PRKACA: variants seen among roughly 807,000 people sequenced by gnomAD.
PRKACA encodes cAMP-dependent protein kinase catalytic subunit alpha.
A neutral mutation model predicts 45.8 loss-of-function variants in PRKACA; 9 were observed. That is an observed-to-expected ratio of 0.20 (90% CI 0.12 to 0.34). The LOEUF is 0.34. PRKACA is among the 10% of genes least tolerant of loss of function. The pLI is 1.00. For missense variants in PRKACA, 238 were observed against 458.6 expected, an observed-to-expected ratio of 0.52 and a Z score of 4.39; for synonymous variants, 160 against 178.6, an observed-to-expected ratio of 0.90 and a Z score of 0.83.
At position 14,092,920 on chromosome 19, in the gene PRKACA, G is replaced by A. The variant is rs1977125321; in HGVS notation, c.*192C>T. 10 of 653,856 alleles carry A rather than the reference G, an allele frequency of 1.5e-5. No individual in the cohort carries two copies. The highest frequency in any genetic ancestry group is 1.2e-4 in the South Asian group (5 of 40,358). 40.5% of individuals were successfully genotyped at this position (653,856 alleles called of 1,614,324 possible). A position where few individuals can be genotyped will look rare whatever the true frequency, so the allele number is the denominator to read the frequency against. ...GGCAGGAGGGTGAAGGGGATGAGGG[G>A]GAGCAGCTGGTGTTTCTGTCCCTCT... On this transcript the variant is annotated 3_prime_UTR_variant, in exon 10 of 10. Transcript: ENST00000308677.
intron 1 of PRKACA, chr19:14,108,439 CCT>C (rs1977677593): frequency 6.6e-6 from 1 of 152,150 alleles, no homozygotes; most frequent in African/African-American, 2.4e-5. Flanking sequence ...ACGGAGTCTC[CCT>C]CTGTCGCCCA....
intron 1 of PRKACA, among the ~76,000 whole-genome samples, chr19:14,117,165 G>A (rs1209081918): frequency 6.6e-6 from 1 of 151,540 alleles, no homozygotes; most frequent in African/African-American, 2.4e-5. Flanking sequence ...GAGGAAGTGG[G>A]GGGATTAGAA....
intron 5 of PRKACA, chr19:14,098,156 A>G: frequency 1.0e-5 from 4 of 390,358 alleles, no homozygotes; most frequent in Non-Finnish European, 1.9e-5. Flanking sequence ...CATCCACTCA[A>G]CAATGTGGCT....
At chr19:14,110,548 G>A (rs1966937427) in intron 1 of PRKACA, among the ~76,000 whole-genome samples, 1 of 151,942 alleles carries the variant, frequency 6.6e-6, no homozygotes, top group African/African-American at 2.4e-5. Flanking sequence ...CTGCAGGCTG[G>A]GTGACAGAGT....
At position 14,093,042 on chromosome 19, in the gene PRKACA, A is replaced by AGGCCCC; in HGVS notation, c.*69_*70insGGGGCC. 2 of 179,798 alleles carry AGGCCCC rather than the reference A, an allele frequency of 1.1e-5. No homozygotes were observed. Among genetic ancestry groups the AGGCCCC allele is most frequent in the Non-Finnish European group, 2.2e-5 (2 of 90,682 alleles). 11.1% of individuals were successfully genotyped at this position (179,798 alleles called of 1,614,324 possible). A position where few individuals can be genotyped will look rare whatever the true frequency, so the allele number is the denominator to read the frequency against. On this transcript the variant is annotated 3_prime_UTR_variant, in exon 10 of 10. Coordinates refer to ENST00000308677, the MANE Select transcript of PRKACA (RefSeq NM_002730.4). ...TGGGGCCCTCTGGCTGTTCAATCCA[A>AGGCCCC]CCCTCCCACCCCCCCGACCAAAAAA... is the stretch of plus-strand genomic sequence containing the variant.
Position 14,106,741 on chromosome 19 carries a change from C to A in PRKACA, c.237+19G>T, listed in dbSNP as rs368065594. ...AAAGGCCTGACAGGCAGGCCCTGAGCGAGGACAGGCCACCTCACCTTCTGT... is the reference window on the plus strand; with the variant it reads ...AAAGGCCTGACAGGCAGGCCCTGAGAGAGGACAGGCCACCTCACCTTCTGT... On this transcript the variant is annotated intron_variant, in intron 3 of 9. Transcript: ENST00000308677. The A allele has an allele frequency of 5.6e-6, 9 of 1,613,606 alleles. No individual in the cohort carries two copies. The African/African-American group carries it at 1.2e-4, about 22-fold the overall frequency.
At chr19:14,095,304 G>A (rs1267030078) in intron 8 of PRKACA, among the ~76,000 whole-genome samples, 2 of 151,730 alleles carry the variant, frequency 1.3e-5, no homozygotes, top group African/African-American at 4.8e-5. Context: ...CTGAGTAGCT[G>A]GGATTACAGG....
Position 14,097,743 on chromosome 19 carries a change from C to G in PRKACA, c.546+21G>C. The stretch of plus-strand genomic sequence containing the variant: ...GGCCACGGCTTCCCCAGGGCTGCCC[C>G]TCGCCCGGCCTGGTGGGCACCTGAA... On this transcript the variant is annotated intron_variant, in intron 6 of 9. Coordinates refer to ENST00000308677, the MANE Select transcript of PRKACA (RefSeq NM_002730.4). The surrounding 1 kb of genome is among the most constrained non-coding windows in gnomAD (Gnocchi z 5.4). The G allele has an allele frequency of 6.2e-7, 1 of 1,614,126 alleles. No homozygotes were observed. The highest frequency in any genetic ancestry group is 8.5e-7 in the Non-Finnish European group (1 of 1,179,986).
rs1967058017 is a variant in PRKACA at position 14,114,230 on chromosome 19, C to T, written c.46+3272G>A. The T allele has an allele frequency of 7.0e-6, 11 of 1,570,476 alleles. No homozygotes were observed. The East Asian group carries it at 2.1e-4, about 30-fold the overall frequency. On this transcript the variant is annotated intron_variant, in intron 1 of 9. Coordinates refer to ENST00000308677, the MANE Select transcript of PRKACA (RefSeq NM_002730.4). Reference sequence around the variant, plus strand: ...CATGAGACCTGCCGTGTCTGTTCGGCTGTCTGTCCCCAGAACCCTGCCTGC... The same window carrying T: ...CATGAGACCTGCCGTGTCTGTTCGGTTGTCTGTCCCCAGAACCCTGCCTGC...
At chr19:14,106,114 G>A (rs1203706401) in intron 3 of PRKACA, among the ~76,000 whole-genome samples, 4 of 152,066 alleles carry the variant, frequency 2.6e-5, no homozygotes, top group Admixed American at 2.6e-4. Flanking sequence ...GCTTTGGGAG[G>A]CTGAAGTAGG....
In PRKACA at chr19:14,102,870, G is replaced by A. The variant is rs1438245188; in HGVS notation, c.282C>T (p.Arg94=). The change falls in exon 4 of 10, where the codon CGC becomes CGT. Residue 94 remains arginine, a synonymous_variant. Transcript: ENST00000308677. ...KQIEHTLNEK[R]ILQAVNFPFL... ...ACGGAAAGTTGACAGCTTGCAGGAT[G>A]CGCTTTTCATTCAGGGTGTGTTCGA... 2.4e-5 allele frequency: 38 copies of A among 1,614,102 alleles called. No individual in the cohort carries two copies. Among genetic ancestry groups the A allele is most frequent in the Non-Finnish European group, 3.0e-5 (35 of 1,180,046 alleles).
Position 14,093,754 on chromosome 19 carries a change from GTCC to G in PRKACA, c.801_803del (p.Lys267_Asp268delinsAsn). The G allele has an allele frequency of 6.2e-7, 1 of 1,614,016 alleles. No homozygotes were observed. On this transcript the variant is annotated inframe_deletion, in exon 9 of 10. Transcript: ENST00000308677. ...CTACCTGCAGGAGGTTCCGCAGCAG[GTCC>G]TTCAAGTCAGAGCTGAAGTGGGAAG... is the stretch of plus-strand genomic sequence containing the variant.
At chr19:14,102,174 A>T (rs549908943) in intron 4 of PRKACA, among the ~76,000 whole-genome samples, 1 of 152,296 alleles carries the variant, frequency 6.6e-6, no homozygotes, top group East Asian at 1.9e-4. Flanking sequence ...AACAAAAAAA[A>T]ATTATTACGG....
intron 8 of PRKACA, among the ~76,000 whole-genome samples, chr19:14,094,185 GAAAAAAA>G (rs940405502): frequency 0.021 from 1,210 of 58,970 alleles, 45 homozygotes; most frequent in Admixed American, 0.14. Flanking sequence ...TTCTTTTTTT[GAAAAAAA>G]AAAAAAAAAA....
At chr19:14,107,826 C>T (rs1271474897) in intron 1 of PRKACA, 12 of 996,408 alleles carry the variant, frequency 1.2e-5, no homozygotes, top group Admixed American at 5.6e-5. Flanking sequence ...CTCGGGGGCT[C>T]GGGTAGCAGG....
chr19:14,099,497 G>A (rs1426414738), intron 5 of PRKACA, among the ~76,000 whole-genome samples: 6 of 151,252 alleles, frequency 4.0e-5, no homozygotes, highest in African/African-American at 1.2e-4. Flanking sequence ...ATGAAGGTGG[G>A]CTCATGCAGT....
chr19:14,100,803 G>A, intron 5 of PRKACA, 23 bp downstream of exon 5: 1 of 1,611,892 alleles, frequency 6.2e-7, no homozygotes, highest in Non-Finnish European at 8.5e-7. Flanking sequence ...ACAGCCTGAT[G>A]TGATGGGGGG....
rs1351799282 is a variant in PRKACA, at chr19:14,093,138, A to G, written c.1030T>C (p.Cys344Arg). ...EEIRVSINEKCGKEFSEF is the reference protein window; with the variant it reads ...EEIRVSINEKRGKEFSEF ...TAAAACTCAGAAAACTCCTTGCCAC[A>G]CTTCTCATTGATGGAGACCCGGATT... The change falls in exon 10 of 10, where the codon TGT becomes CGT. Residue 344 changes from cysteine (C) to arginine (R), a missense_variant. Transcript: ENST00000308677. 1.2e-6 allele frequency: 2 copies of G among 1,610,704 alleles called. No homozygotes were observed. The highest frequency in any genetic ancestry group is 1.7e-6 in the Non-Finnish European group (2 of 1,178,848).
chr19:14,092,405 A>T lies in PRKACA; in HGVS notation c.*707T>A. Reference sequence around the variant, plus strand: ...GAGAGGATTCCCCGGGGAGGGGCCCAGGGGAGATTAGCAGCGGGGAGGTTC... The same window carrying T: ...GAGAGGATTCCCCGGGGAGGGGCCCTGGGGAGATTAGCAGCGGGGAGGTTC... On this transcript the variant is annotated 3_prime_UTR_variant, in exon 10 of 10. Coordinates refer to ENST00000308677, the MANE Select transcript of PRKACA (RefSeq NM_002730.4). The T allele has an allele frequency of 2.7e-6, 1 of 369,206 alleles. No homozygotes were observed. The highest frequency in any genetic ancestry group is 4.8e-6 in the Non-Finnish European group (1 of 207,984). 22.9% of individuals were successfully genotyped at this position (369,206 alleles called of 1,614,324 possible).
Sources: gnomAD v4.1 joint callset for allele counts (sites outside exome capture counted in the v4.1 genomes callset) on GRCh38, gnomAD v4.1.1 for gene constraint, Gnocchi (gnomAD v3.1) non-coding constraint, MANE v1.5 for transcripts, NCBI Gene and HGNC (gene_info 2026-07-23, HGNC 2026-07-21) for gene names.